TH: variants seen among roughly 807,000 people sequenced by gnomAD.
TH encodes the protein tyrosine 3-monooxygenase.
In TH, 49 loss-of-function variants were observed where a neutral mutation model predicts 57.4. That is an observed-to-expected ratio of 0.85 (90% CI 0.68 to 1.08). The LOEUF (loss-of-function observed/expected upper bound fraction) is 1.08. Ranked by LOEUF, TH falls within the 50% of genes least tolerant of loss-of-function variation. The pLI, the probability that TH is intolerant of heterozygous loss-of-function variation, is 0.00. For missense variants in TH, 720 were observed against 696.7 expected (o/e 1.03, Z -0.38); for synonymous variants, 330 against 304.5 (o/e 1.08, Z -0.87).
rs749571658 is a variant in TH at position 2,170,254 on chromosome 11, C to T, written c.91-383G>A. Among the ~76,000 whole-genome samples, 17 of 152,082 alleles carry T rather than the reference C, an allele frequency of 1.1e-4. No homozygotes were observed. Among genetic ancestry groups the T allele is most frequent in the Non-Finnish European group, 1.5e-4 (10 of 68,006 alleles). On this transcript the variant is annotated intron_variant, in intron 1 of 12. Transcript: ENST00000352909. This position sits in a 1 kb window ranked among gnomAD's most constrained non-coding sequence, Gnocchi z 6.0. ...CTTGATGGACAGTGGCATCGGCTGC[C>T]GGGGAGGGAACGGCAGCTCAGGAAG...
rs139619260 is a variant in TH, at chr11:2,167,452, G to C, written c.678C>G (p.Ala226=). ...GGTCTCACCAGGTGGCAATCTCCTC[G>C]GCGGTGTACTCCACACGGGGAATCG... ...GDPIPRVEYT[A]EEIATWKEVY... Residue 226 remains alanine, a synonymous_variant, in exon 6 of 13, where the codon GCC becomes GCG. Transcript: ENST00000352909. The C allele has an allele frequency of 6.4e-7, 1 of 1,563,800 alleles. No homozygotes were observed. The highest frequency in any genetic ancestry group is 8.7e-7 in the Non-Finnish European group (1 of 1,154,104).
At chr11:2,167,575 C>G (rs1284748010) in intron 5 of TH, 90 bp from the exon 6 acceptor site, 5 of 1,439,308 alleles carry the variant, frequency 3.5e-6, no homozygotes, top group Non-Finnish European at 4.7e-6. Context: ...CAGGTCCACA[C>G]CCGCCTAGTG....
At chr11:2,168,301 C>T in intron 3 of TH, 122 bp from the exon 4 acceptor site, 1 of 1,364,660 alleles carries the variant, frequency 7.3e-7, no homozygotes, top group Non-Finnish European at 1.0e-6. Flanking sequence ...GCTGTGAGAG[C>T]TGCGGGGGGA....
intron 6 of TH, 178 bp from the exon 7 acceptor site, chr11:2,167,210 G>A (rs952220097): frequency 3.8e-6 from 4 of 1,056,390 alleles, no homozygotes; most frequent in South Asian, 1.6e-5. Flanking sequence ...AATCCCAGGG[G>A]ATAGGGGGCC....
chr11:2,166,202 C>T (rs982342503), intron 9 of TH, 144 bp from the exon 10 acceptor site: 12 of 1,000,480 alleles, frequency 1.2e-5, no homozygotes, highest in South Asian at 4.2e-5. Context: ...GCCCAGGATC[C>T]GCACCTCCAC....
chr11:2,171,769 G>C lies in TH; in HGVS notation c.18C>G (p.Ala6=). 1 of 1,612,386 alleles carries C rather than the reference G, an allele frequency of 6.2e-7. No individual in the cohort carries two copies. Among genetic ancestry groups the C allele is most frequent in the South Asian group, 1.1e-5 (1 of 91,040 alleles). The change falls in exon 1 of 13, where the codon GCC becomes GCG. Residue 6 remains alanine, a synonymous_variant. Coordinates refer to ENST00000352909, the MANE Select transcript of TH (RefSeq NM_000360.4). This position sits in a 1 kb window ranked among gnomAD's most constrained non-coding sequence, Gnocchi z 8.6. MPTPD[A]TTPQAKGFRR... is the part of the protein sequence containing the mutation. ...GGAAGCCCTTGGCCTGTGGCGTGGT[G>C]GCGTCGGGGGTGGGCATGGCTCAGT...
At chr11:2,164,560 G>C (rs1846031809) in intron 12 of TH, among the ~76,000 whole-genome samples, 168 bp from the exon 13 acceptor site, 1 of 152,134 alleles carries the variant, frequency 6.6e-6, no homozygotes, top group Non-Finnish European at 1.5e-5. Context: ...TTCCAGGGCT[G>C]GGTGAGGGGG....
rs765178501 is a variant in TH, at chr11:2,169,761, G to A, written c.201C>T (p.Pro67=). The A allele has an allele frequency of 6.2e-7, 1 of 1,612,276 alleles. No individual in the cohort carries two copies. The highest frequency in any genetic ancestry group is 8.5e-7 in the Non-Finnish European group (1 of 1,179,698). Residue 67 remains proline, a synonymous_variant, in exon 2 of 13, where the codon CCC becomes CCT. Transcript: ENST00000352909. ...TCTCCTCAAAGGCCACAGCCTCCAGGGGGTCCCCGGGCTCCGAGGGGACTG... is the reference window on the plus strand; with the variant it reads ...TCTCCTCAAAGGCCACAGCCTCCAGAGGGTCCCCGGGCTCCGAGGGGACTG... ...AAAVPSEPGD[P]LEAVAFEEKE... is the part of the protein sequence containing the mutation.
rs760346235 is a variant in TH at position 2,168,092 on chromosome 11, G to A, written c.575C>T (p.Pro192Leu). The A allele has an allele frequency of 4.3e-6, 7 of 1,613,400 alleles. No homozygotes were observed. The highest frequency in any genetic ancestry group is 5.1e-6 in the Non-Finnish European group (6 of 1,179,954). Residue 192 changes from proline (P) to leucine (L), a missense_variant and splice_region_variant, in exon 4 of 13, where the codon CCG (proline) becomes CTG (leucine). By Grantham distance (98) the Pro-to-Leu change is moderately conservative (BLOSUM62 -3). Transcript: ENST00000352909. ...KFDPDLDLDH[P>L]GFSDQVYRQR... ...CTGAGTGAGGGGCGCACCACTCACC[G>A]GGTGGTCCAAGTCCAGGTCAGGGTC...
At chr11:2,169,536 CGGCCTCGGG>C in intron 2 of TH, 105 bp downstream of exon 2, 1 of 1,028,828 alleles carries the variant, frequency 9.7e-7, no homozygotes, top group Non-Finnish European at 1.5e-6. Flanking sequence ...CATCCTGTGC[CGGCCTCGGG>C]GGCCTGGGCA....
At chr11:2,165,603 C>T in intron 11 of TH, 65 bp downstream of exon 11, 1 of 1,542,064 alleles carries the variant, frequency 6.5e-7, no homozygotes, top group East Asian at 2.3e-5. Flanking sequence ...GGAGCCTGTC[C>T]CCTCCCTGCA....
chr11:2,165,179 G>C, intron 12 of TH, 53 bp downstream of exon 12: 1 of 1,611,968 alleles, frequency 6.2e-7, no homozygotes, highest in East Asian at 2.2e-5. Context: ...GGAAGGCCTG[G>C]CTGGCCCAGT....
intron 2 of TH, 72 bp from the exon 3 acceptor site, chr11:2,168,737 C>A: frequency 8.4e-5 from 15 of 177,914 alleles, no homozygotes; most frequent in South Asian, 3.4e-4. Flanking sequence ...GTGGGGTGGG[C>A]GGGGAGGAGG....
At position 2,164,318 on chromosome 11, in the gene TH, T is replaced by C; in HGVS notation, c.1409A>G (p.Asp470Gly). Residue 470 changes from aspartate (D) to glycine (G), a missense_variant, in exon 13 of 13, where the codon GAC becomes GGC. By Grantham distance (94) the Asp-to-Gly change is moderately conservative. Coordinates refer to ENST00000352909, the MANE Select transcript of TH (RefSeq NM_000360.4). The stretch of plus-strand genomic sequence containing the variant: ...GGAGCGCCGCACGGCCTGGGGGCTG[T>C]CCAGCACGTCGATGGCCAGCGTGTA... ...DPYTLAIDVL[D>G]SPQAVRRSLE... 6.5e-7 allele frequency: 1 copy of C among 1,541,552 alleles called. No homozygotes were observed.
chr11:2,168,316 G>T, intron 3 of TH, 137 bp from the exon 4 acceptor site: 1 of 1,347,900 alleles, frequency 7.4e-7, no homozygotes, highest in Non-Finnish European at 1.0e-6. Flanking sequence ...GGGGGATCCT[G>T]GAGTGGCCCC....
At position 2,167,947 on chromosome 11, in the gene TH, G is replaced by A; in HGVS notation, c.577-14C>T. The A allele has an allele frequency of 6.2e-7, 1 of 1,611,516 alleles. No homozygotes were observed. Among genetic ancestry groups the A allele is most frequent in the Non-Finnish European group, 8.5e-7 (1 of 1,179,344 alleles). On this transcript the variant is annotated splice_polypyrimidine_tract_variant and intron_variant, in intron 4 of 12. Coordinates refer to ENST00000352909, the MANE Select transcript of TH (RefSeq NM_000360.4). ...GTCCGAGAAGCCCTGAGGGCAGAGG[G>A]GATGCACGGGTCAGGAGGCTGTGCT...
chr11:2,168,614 G>T lies in TH; in HGVS notation c.364C>A (p.Arg122=), dbSNP rs771610752. The T allele has an allele frequency of 1.9e-6, 3 of 1,611,948 alleles. No homozygotes were observed. The highest frequency in any genetic ancestry group is 2.2e-5 in the South Asian group (2 of 91,036). Residue 122 remains arginine, a synonymous_variant, in exon 3 of 13, where the codon CGA becomes AGA. Coordinates refer to ENST00000352909, the MANE Select transcript of TH (RefSeq NM_000360.4). ...TACTCCAGGTGGGGGCCCCCAGCTC[G>T]CGGCCTCTGGGCGGGCCGGGTCTCT... is the stretch of plus-strand genomic sequence containing the variant. ...HLETRPAQRP[R]AGGPHLEYFV... is the part of the protein sequence containing the mutation.
At chr11:2,168,739 G>A in intron 2 of TH, 74 bp from the exon 3 acceptor site, 1 of 449,648 alleles carries the variant, frequency 2.2e-6, no homozygotes. Context: ...GGGGTGGGCG[G>A]GGAGGAGGCA....
chr11:2,169,236 C>T (rs540795514), intron 2 of TH, among the ~76,000 whole-genome samples: 3 of 152,284 alleles, frequency 2.0e-5, no homozygotes, highest in South Asian at 2.1e-4. Context: ...TCACCTGCCT[C>T]CCGGGGCACA....
Sources: gnomAD v4.1 joint callset for allele counts (sites outside exome capture counted in the v4.1 genomes callset) on GRCh38, gnomAD v4.1.1 for gene constraint, Gnocchi (gnomAD v3.1) non-coding constraint, MANE v1.5 for transcripts, NCBI Gene and HGNC (gene_info 2026-07-23, HGNC 2026-07-21) for gene names.